COL6A5: variants seen among roughly 807,000 people sequenced by gnomAD.
The protein encoded by COL6A5 is collagen type VI alpha 5 chain, also known as collagen alpha-5(VI) chain.
COL6A5 carries 48 observed loss-of-function variants against 65.6 expected under a neutral mutation model. The observed-to-expected ratio is 0.73, with a 90% CI of 0.58 to 0.93. The LOEUF is 0.93. Among genes scored for constraint, COL6A5 ranks in the 40% least tolerant of loss-of-function variants. The probability of loss-of-function intolerance (pLI) is 0.00; values close to 1 mark genes in which losing one functional copy is unlikely to be tolerated. For missense variants in COL6A5, 914 were observed against 928.3 expected (o/e 0.98, Z 0.20); for synonymous variants, 291 against 322.8 (o/e 0.90, Z 1.05).
At chr3:130,405,456 T>C in intron 13 of COL6A5, 132 bp from the exon 14 acceptor site, 2 of 597,598 alleles carry the variant, frequency 3.3e-6, no homozygotes, top group South Asian at 4.7e-5. Flanking sequence ...TTTTGAATCC[T>C]TTTTGAAGAG....
intron 1 of COL6A5, among the ~76,000 whole-genome samples, chr3:130,347,843 G>C (rs921495505): frequency 6.6e-6 from 1 of 152,174 alleles, no homozygotes; most frequent in African/African-American, 2.4e-5. Context: ...CTCAGATCCA[G>C]TACACACTGA....
At chr3:130,423,779 A>G in intron 28 of COL6A5, 59 bp from the exon 29 acceptor site, 1 of 1,299,378 alleles carries the variant, frequency 7.7e-7, no homozygotes, top group Middle Eastern at 1.9e-4. Flanking sequence ...TCGAAACTGA[A>G]GTAGTCCCCA....
At chr3:130,410,696 T>G (rs1053167354) in intron 20 of COL6A5, among the ~76,000 whole-genome samples, 172 bp downstream of exon 20, 1 of 152,178 alleles carries the variant, frequency 6.6e-6, no homozygotes, top group African/African-American at 2.4e-5. Context: ...TGTGAATGGC[T>G]ATGCTATGCA....
intron 1 of COL6A5, among the ~76,000 whole-genome samples, chr3:130,351,857 C>T (rs1443934169): frequency 9.9e-5 from 15 of 152,092 alleles, no homozygotes; most frequent in African/African-American, 2.4e-4. Context: ...CACATGCACA[C>T]GTATGTTTAT....
At chr3:130,375,304 C>T (rs1218805593) in intron 2 of COL6A5, among the ~76,000 whole-genome samples, 1 of 152,152 alleles carries the variant, frequency 6.6e-6, no homozygotes. Flanking sequence ...TGGTCTGCAG[C>T]CAATGACTGA....
chr3:130,384,771 C>A, intron 4 of COL6A5, 33 bp from the exon 5 acceptor site: 1 of 1,477,272 alleles, frequency 6.8e-7, no homozygotes, highest in South Asian at 1.4e-5. Context: ...TCTCTAGGTT[C>A]TCTAATTTAC....
chr3:130,393,046 G>T (rs1246869381), intron 7 of COL6A5, among the ~76,000 whole-genome samples: 1 of 150,388 alleles, frequency 6.6e-6, no homozygotes, highest in South Asian at 2.1e-4. Flanking sequence ...CACTGGATGT[G>T]GTCACTCTTC....
chr3:130,363,275 T>C (rs1009719006), intron 1 of COL6A5, among the ~76,000 whole-genome samples: 3 of 152,238 alleles, frequency 2.0e-5, no homozygotes, highest in Admixed American at 6.5e-5. Context: ...AAATAACTTA[T>C]AATAACAAAA....
chr3:130,398,305 T>C (rs1350442455), intron 10 of COL6A5, among the ~76,000 whole-genome samples, 194 bp downstream of exon 10: 2 of 152,038 alleles, frequency 1.3e-5, no homozygotes, highest in Admixed American at 6.5e-5. Context: ...TAATTTTTTG[T>C]ATTTTTAGTA....
chr3:130,375,954 G>A (rs1243081771), intron 2 of COL6A5, among the ~76,000 whole-genome samples: 1 of 152,056 alleles, frequency 6.6e-6, no homozygotes, highest in African/African-American at 2.4e-5. Flanking sequence ...TCCAGTCAGG[G>A]ACTTTCTGAG....
In COL6A5 at chr3:130,362,252, T is replaced by TTCTCTCTCTCTCTCTCTCTCTC. The variant is rs373519002; in HGVS notation, c.-28-11340_-28-11339insCTCTCTCTCTCTCTCTCTCTCT. ...TTTTTGGGAAGGGTGTAAGGTTTCT[T>TTCTCTCTCTCTCTCTCTCTCTC]TCTCTCTCTCTCTCTCTCTTTGTCT... is the stretch of plus-strand genomic sequence containing the variant. On this transcript the variant is annotated intron_variant and NMD_transcript_variant, in intron 1 of 41. Coordinates refer to the COL6A5 transcript ENST00000312481. 3.8e-3 allele frequency among the ~76,000 whole-genome samples: 435 copies of TTCTCTCTCTCTCTCTCTCTCTC among 114,332 alleles called. 10 individuals are homozygous for TTCTCTCTCTCTCTCTCTCTCTC. The highest frequency in any genetic ancestry group is 0.033 in the East Asian group (111 of 3,362). 75.0% of individuals were successfully genotyped at this position (114,332 alleles called of 152,430 possible). A position where few individuals can be genotyped will look rare whatever the true frequency, so the allele number is the denominator to read the frequency against.
In COL6A5 at chr3:130,452,260, TC is replaced by T. The variant is rs558345592; in HGVS notation, c.1333-3192del. 1.4e-3 allele frequency among the ~76,000 whole-genome samples: 217 copies of T among 152,222 alleles called. 1 individual carries two copies. The highest frequency in any genetic ancestry group is 4.8e-3 in the African/African-American group (199 of 41,552). The stretch of plus-strand genomic sequence containing the variant: ...CCGCACCTACCAAAGGGAATCGGGT[TC>T]CCTCATGCACTTAGGAAAAAAGAAA... On this transcript the variant is annotated intron_variant, in intron 4 of 7. Transcript: ENST00000512836.
At chr3:130,475,526 T>A (rs569116050) in intron 7 of COL6A5, among the ~76,000 whole-genome samples, 1 of 120,906 alleles carries the variant, frequency 8.3e-6, no homozygotes, top group South Asian at 2.8e-4. Context: ...AATAAAGATA[T>A]CCCTCTCCCT....
At position 130,376,666 on chromosome 3, in the gene COL6A5, C is replaced by T. The variant is rs528892434; in HGVS notation, c.497C>T (p.Ser166Phe). The T allele has an allele frequency of 2.5e-5, 40 of 1,613,426 alleles. No individual in the cohort carries two copies. The Admixed American group carries it at 6.7e-4, about 27-fold the overall frequency. ...CAGAAAGACGGGGTGAAAATTATCT[C>T]CGTGGGGGTGCAGAAAGCTTCTGAG... Residue 166 changes from serine to phenylalanine, a missense_variant and NMD_transcript_variant, in exon 3 of 42, where the codon TCC becomes TTC. By Grantham distance (155) the Ser-to-Phe change is radical. Coordinates refer to the COL6A5 transcript ENST00000312481.
intron 4 of COL6A5, among the ~76,000 whole-genome samples, chr3:130,446,746 G>T (rs759655178): frequency 6.6e-6 from 1 of 151,996 alleles, no homozygotes; most frequent in Non-Finnish European, 1.5e-5. Context: ...ATGATCTCCC[G>T]GTGAAACACA....
exon 1 of COL6A5, chr3:130,431,806 G>C (rs374300805): frequency 1.3e-6 from 2 of 1,551,506 alleles, no homozygotes; most frequent in African/African-American, 2.7e-5. Context: ...AGGAGCCAAC[G>C]TGAGGAGAGT....
intron 5 of COL6A5, among the ~76,000 whole-genome samples, chr3:130,468,267 C>G (rs887157762): frequency 1.6e-4 from 25 of 152,030 alleles, no homozygotes; most frequent in Non-Finnish European, 8.8e-5. Context: ...ATATCTCACA[C>G]AGCATTTAGA....
intron 24 of COL6A5, among the ~76,000 whole-genome samples, chr3:130,417,171 G>A (rs1456413460): frequency 6.6e-6 from 1 of 152,030 alleles, no homozygotes; most frequent in Non-Finnish European, 1.5e-5. Flanking sequence ...ACTTATGAGT[G>A]AGAACATGCA....
exon 22 of COL6A5, chr3:130,414,101 A>G (rs1937266625): frequency 2.6e-6 from 4 of 1,550,928 alleles, no homozygotes; most frequent in Non-Finnish European, 3.5e-6. Flanking sequence ...CTACAGGCAC[A>G]TTGGGAGCTG....
Sources: allele counts gnomAD v4.1 joint callset (sites outside exome capture counted in the v4.1 genomes callset), GRCh38; gene constraint gnomAD v4.1.1; transcripts MANE v1.5; gene names NCBI Gene and HGNC (gene_info 2026-07-23, HGNC 2026-07-21).